The following GEN1 variants were observed in gnomAD, a reference collection of about 807,000 sequenced individuals.
GEN1 encodes flap endonuclease GEN homolog 1.
A neutral mutation model predicts 67.6 loss-of-function variants in GEN1; 64 were observed. The observed-to-expected ratio is 0.95, with a 90% CI of 0.77 to 1.17. The LOEUF is 1.17. GEN1 is among the 50% of genes most tolerant of loss of function. The pLI is 0.00. For synonymous variants in GEN1, 371 were observed against 359.4 expected (o/e 1.03, Z -0.37); for missense variants, 1,058 against 1,048.3 (o/e 1.01, Z -0.13).
chr2:17,757,217 G>C (rs1469304505), intron 1 of GEN1, among the ~76,000 whole-genome samples: 1 of 151,056 alleles, frequency 6.6e-6, no homozygotes, highest in South Asian at 2.1e-4. Flanking sequence ...TCTTGCTTAG[G>C]GGTTTCCAAT....
Position 17,784,772 on chromosome 2 carries a change from G to C in GEN1, c.*2833G>C, listed in dbSNP as rs902024400. 9.9e-5 allele frequency: 15 copies of C among 152,174 alleles called. No individual in the cohort carries two copies. The highest frequency in any genetic ancestry group is 1.9e-4 in the Non-Finnish European group (13 of 68,046). The allele number at this position is 152,174 out of a possible 1,614,324, so 9.4% of individuals were successfully genotyped here. A position where few individuals can be genotyped will look rare whatever the true frequency, so the allele number is the denominator to read the frequency against. Reference sequence around the variant, plus strand: ...GTTCAGTCGTGGCTGTGATAGTTCAGGACCATCTAGACCAGGTAAATAAAA... The same window carrying C: ...GTTCAGTCGTGGCTGTGATAGTTCACGACCATCTAGACCAGGTAAATAAAA... On this transcript the variant is annotated 3_prime_UTR_variant, in exon 14 of 14. Coordinates refer to ENST00000381254, the MANE Select transcript of GEN1 (RefSeq NM_001130009.3).
intron 4 of GEN1, among the ~76,000 whole-genome samples, chr2:17,765,320 A>G (rs1445357226): frequency 1.3e-5 from 2 of 152,258 alleles, no homozygotes; most frequent in Admixed American, 1.3e-4. Context: ...TTTCAAAAAT[A>G]CATCACGAAT....
In GEN1 at chr2:17,774,286, A is replaced by G; in HGVS notation, c.1087A>G (p.Lys363Glu). 6.4e-7 allele frequency: 1 copy of G among 1,564,268 alleles called. No homozygotes were observed. The highest frequency in any genetic ancestry group is 8.7e-7 in the Non-Finnish European group (1 of 1,148,804). ...LLLFQRFTLE[K>E]MEWPNHYACE... is the part of the protein sequence containing the mutation. Reference sequence around the variant, plus strand: ...ATATTTATAGAGATTTACTCTTGAAAAAATGGAGTGGCCCAATCACTATGC... The same window carrying G: ...ATATTTATAGAGATTTACTCTTGAAGAAATGGAGTGGCCCAATCACTATGC... Residue 363 changes from lysine to glutamate, a missense_variant, in exon 11 of 14, where the codon AAA becomes GAA. Transcript: ENST00000381254.
chr2:17,772,369 A>G (rs546530701), intron 7 of GEN1, among the ~76,000 whole-genome samples: 6 of 152,202 alleles, frequency 3.9e-5, no homozygotes, highest in Admixed American at 2.6e-4. Context: ...TATAATTTCA[A>G]GTGTCTAATT....
At chr2:17,780,513 A>G in intron 13 of GEN1, 108 bp from the exon 14 acceptor site, 1 of 706,064 alleles carries the variant, frequency 1.4e-6, no homozygotes, top group Non-Finnish European at 2.3e-6. Flanking sequence ...AAAAAAAGGC[A>G]GAAACTATTC....
chr2:17,765,368 A>G (rs1671878065), intron 4 of GEN1, among the ~76,000 whole-genome samples: 1 of 152,222 alleles, frequency 6.6e-6, no homozygotes, highest in Non-Finnish European at 1.5e-5. Flanking sequence ...CTGAATTTCC[A>G]GTTTAGTGTT....
At position 17,781,596 on chromosome 2, in the gene GEN1, T is replaced by G; in HGVS notation, c.2384T>G (p.Val795Gly). Reference protein sequence around the residue: ...TTRKILMKKSVCLDRHSSDEQ... With the variant: ...TTRKILMKKSGCLDRHSSDEQ... ...CGGAAAATTTTAATGAAGAAGAGTG[T>G]TTGCCTTGACAGACATTCCTCTGAT... is the stretch of plus-strand genomic sequence containing the variant. Residue 795 changes from valine to glycine, a missense_variant, in exon 14 of 14, where the codon GTT becomes GGT. By Grantham distance (109) the Val-to-Gly change is moderately radical. Transcript: ENST00000381254. 6.2e-7 allele frequency: 1 copy of G among 1,614,002 alleles called. No individual in the cohort carries two copies. Among genetic ancestry groups the G allele is most frequent in the Non-Finnish European group, 8.5e-7 (1 of 1,179,954 alleles).
In GEN1 at chr2:17,766,685, C is replaced by T. The variant is rs749065122; in HGVS notation, c.632C>T (p.Pro211Leu). 2.6e-6 allele frequency: 4 copies of T among 1,523,626 alleles called. No homozygotes were observed. Among genetic ancestry groups the T allele is most frequent in the Non-Finnish European group, 3.6e-6 (4 of 1,099,246 alleles). 94.4% of individuals were successfully genotyped at this position (1,523,626 alleles called of 1,614,324 possible). A position where few individuals can be genotyped will look rare whatever the true frequency, so the allele number is the denominator to read the frequency against. ...LAILLGCDYL[P>L]KGVPGVGKEQ... ...ATACTTCTTGGCTGTGATTATCTCC[C>T]AAAGGTAAGCTGAAATTGTCATATT... Residue 211 changes from proline to leucine, a missense_variant, in exon 5 of 14, where the codon CCA becomes CTA. Physicochemically the swap from Pro to Leu is moderately conservative, Grantham distance 98 (BLOSUM62 -3). Coordinates refer to ENST00000381254, the MANE Select transcript of GEN1 (RefSeq NM_001130009.3).
rs757570359 is a variant in GEN1, at chr2:17,766,566, GTTCT to G, written c.526-6_526-3del. 7 of 1,398,632 alleles carry G rather than the reference GTTCT, an allele frequency of 5.0e-6. No homozygotes were observed. Among genetic ancestry groups the G allele is most frequent in the South Asian group, 2.4e-5 (2 of 82,252 alleles). 86.6% of individuals were successfully genotyped at this position (1,398,632 alleles called of 1,614,324 possible). On this transcript the variant is annotated splice_polypyrimidine_tract_variant and intron_variant, in intron 4 of 13. Coordinates refer to ENST00000381254, the MANE Select transcript of GEN1 (RefSeq NM_001130009.3). ...ACTTTTTGAGGATTAAACTAAATCT[GTTCT>G]TTCTTTAGGACCCACATGTTGACTG...
chr2:17,760,833 A>C lies in GEN1; in HGVS notation c.162-563A>C, dbSNP rs544870915. On this transcript the variant is annotated intron_variant, in intron 2 of 13. Coordinates refer to ENST00000381254, the MANE Select transcript of GEN1 (RefSeq NM_001130009.3). The stretch of plus-strand genomic sequence containing the variant: ...GCTACTTGGGATGCTGAGGCAGGAA[A>C]ATCACTTGAACCTGGGAGGTGGAGG... 1.7e-3 allele frequency among the ~76,000 whole-genome samples: 251 copies of C among 151,850 alleles called. 2 individuals are homozygous for C. The highest frequency in any genetic ancestry group is 5.4e-3 in the Admixed American group (83 of 15,266).
intron 5 of GEN1, among the ~76,000 whole-genome samples, chr2:17,768,156 C>T (rs1672016709): frequency 1.3e-5 from 2 of 152,300 alleles, no homozygotes; most frequent in Admixed American, 6.5e-5. Flanking sequence ...CATATTCATA[C>T]ACTTATAGGG....
At position 17,781,557 on chromosome 2, in the gene GEN1, A is replaced by T; in HGVS notation, c.2345A>T (p.Asp782Val). 2 of 1,613,926 alleles carry T rather than the reference A, an allele frequency of 1.2e-6. No individual in the cohort carries two copies. Among genetic ancestry groups the T allele is most frequent in the Non-Finnish European group, 1.7e-6 (2 of 1,179,944 alleles). ...GCTTTAGATCATAGTAGAAAAGTTG[A>T]TATGCAAACCACTCGGAAAATTTTA... ...NTALDHSRKV[D>V]MQTTRKILMK... The change falls in exon 14 of 14, where the codon GAT (aspartate) becomes GTT (valine). Residue 782 changes from aspartate to valine, a missense_variant. By Grantham distance (152) the Asp-to-Val change is radical. Transcript: ENST00000381254.
rs1241055903 is a variant in GEN1, at chr2:17,778,202, A to ATG, written c.1264+143_1264+144dup. ...TATATATATATACACACACACATATATGTGTATATATATGTATACACACAC... is the reference window on the plus strand; with the variant it reads ...TATATATATATACACACACACATATATGTGTGTATATATATGTATACACACAC... On this transcript the variant is annotated intron_variant, in intron 12 of 13. Coordinates refer to ENST00000381254, the MANE Select transcript of GEN1 (RefSeq NM_001130009.3). 0.1 allele frequency: 22,876 copies of ATG among 223,662 alleles called. 5,423 individuals are homozygous for ATG. Among genetic ancestry groups the ATG allele is most frequent in the East Asian group, 0.64 (8,456 of 13,292 alleles). 13.9% of individuals were successfully genotyped at this position (223,662 alleles called of 1,614,324 possible).
intron 6 of GEN1, 49 bp from the exon 7 acceptor site, chr2:17,771,147 T>C (rs1672168749): frequency 9.4e-7 from 1 of 1,064,958 alleles, no homozygotes; most frequent in Non-Finnish European, 1.5e-6. Flanking sequence ...CATACCGTTT[T>C]TGTGACCTCA....
Position 17,761,417 on chromosome 2 carries a change from A to G in GEN1, c.183A>G (p.Ser61=). The change falls in exon 3 of 14, where the codon TCA becomes TCG. Residue 61 remains serine (S), a synonymous_variant. Coordinates refer to ENST00000381254, the MANE Select transcript of GEN1 (RefSeq NM_001130009.3). ...PHLRNLFFRI[S]YLTQMDVKLV... is the part of the protein sequence containing the mutation. The stretch of plus-strand genomic sequence containing the variant: ...TCAGGAACTTATTTTTTCGTATCTC[A>G]TATTTAACACAAATGGATGTAAAAC... 6.3e-7 allele frequency: 1 copy of G among 1,593,480 alleles called. No homozygotes were observed. Among genetic ancestry groups the G allele is most frequent in the Non-Finnish European group, 8.6e-7 (1 of 1,165,958 alleles).
Position 17,761,198 on chromosome 2 carries a change from C to G in GEN1, c.162-198C>G, listed in dbSNP as rs190559042. On this transcript the variant is annotated intron_variant, in intron 2 of 13. Coordinates refer to ENST00000381254, the MANE Select transcript of GEN1 (RefSeq NM_001130009.3). ...TGAGACAAGATCATGCCACTGCACT[C>G]CAGCCTGGGTGACAGAGTGAGACTC... is the stretch of plus-strand genomic sequence containing the variant. Among the ~76,000 whole-genome samples the G allele has an allele frequency of 3.2e-3, 489 of 152,166 alleles. 1 individual carries two copies. The highest frequency in any genetic ancestry group is 0.01 in the Middle Eastern group (3 of 294).
intron 12 of GEN1, among the ~76,000 whole-genome samples, 160 bp downstream of exon 12, chr2:17,778,223 CACACAT>C (rs1361402441): frequency 1.4e-5 from 2 of 147,426 alleles, no homozygotes; most frequent in African/African-American, 5.0e-5. Context: ...TATGTATACA[CACACAT>C]ATATGTGTGT....
At chr2:17,773,339 A>G (rs1184282203) in intron 10 of GEN1, 40 bp downstream of exon 10, 3 of 1,242,908 alleles carry the variant, frequency 2.4e-6, no homozygotes, top group East Asian at 4.7e-5. Context: ...ATGAAGTTAT[A>G]TGCTGGAAAG....
rs1558418363 is a variant in GEN1, at chr2:17,785,228, C to G, written c.*3289C>G. On this transcript the variant is annotated 3_prime_UTR_variant, in exon 14 of 14. Coordinates refer to ENST00000381254, the MANE Select transcript of GEN1 (RefSeq NM_001130009.3). ...GAAAGGTTGGGGACTGCTGATATACCTAATATAGGCATAAGTGTAAAATTA... is the reference window on the plus strand; with the variant it reads ...GAAAGGTTGGGGACTGCTGATATACGTAATATAGGCATAAGTGTAAAATTA... 1 of 152,220 alleles carries G rather than the reference C, an allele frequency of 6.6e-6. No individual in the cohort carries two copies. Among genetic ancestry groups the G allele is most frequent in the African/African-American group, 2.4e-5 (1 of 41,440 alleles). 9.4% of individuals were successfully genotyped at this position (152,220 alleles called of 1,614,324 possible). A position where few individuals can be genotyped will look rare whatever the true frequency, so the allele number is the denominator to read the frequency against.
Sources: allele counts gnomAD v4.1 joint callset (sites outside exome capture counted in the v4.1 genomes callset), GRCh38; gene constraint gnomAD v4.1.1; transcripts MANE v1.5; gene names NCBI Gene and HGNC (gene_info 2026-07-23, HGNC 2026-07-21).